SMOC1: variants seen among roughly 807,000 people sequenced by gnomAD.
SMOC1 encodes the protein SPARC related modular calcium binding 1.
Under a neutral mutation model 56.3 loss-of-function variants are expected in SMOC1, and 22 were observed. The ratio of observed to expected loss-of-function variants is 0.39; its 90% CI spans 0.28 to 0.56. SMOC1 has a LOEUF of 0.56. Among genes scored for constraint, SMOC1 ranks in the 20% least tolerant of loss-of-function variants. The pLI is 0.61. For synonymous variants in SMOC1, 193 were observed against 215.0 expected, an observed-to-expected ratio of 0.90 and a Z score of 0.89; for missense variants, 509 against 565.4, an observed-to-expected ratio of 0.90 and a Z score of 1.01.
At chr14:69,923,189 C>T (rs993352504) in intron 1 of SMOC1, among the ~76,000 whole-genome samples, 2 of 152,088 alleles carry the variant, frequency 1.3e-5, no homozygotes, top group African/African-American at 4.8e-5. Context: ...TCATGATCCA[C>T]CTGCCTTGGC....
At chr14:70,005,726 T>C (rs921338556) in intron 7 of SMOC1, among the ~76,000 whole-genome samples, 1 of 152,166 alleles carries the variant, frequency 6.6e-6, no homozygotes, top group African/African-American at 2.4e-5. Flanking sequence ...GACTCTCACT[T>C]CTTCTCTGCA....
At chr14:69,900,650 G>A (rs1171602237) in intron 1 of SMOC1, among the ~76,000 whole-genome samples, 2 of 152,212 alleles carry the variant, frequency 1.3e-5, no homozygotes, top group African/African-American at 4.8e-5. Flanking sequence ...AGGCAGCAGG[G>A]TGTTTACTCA....
intron 10 of SMOC1, among the ~76,000 whole-genome samples, chr14:70,013,947 A>T (rs956695177): frequency 2.0e-5 from 3 of 152,206 alleles, no homozygotes; most frequent in African/African-American, 7.2e-5. Flanking sequence ...GCTCTTGGCA[A>T]TGGAACTGGA....
At chr14:69,970,360 A>G (rs7161219) in intron 3 of SMOC1, among the ~76,000 whole-genome samples, 1 of 152,054 alleles carries the variant, frequency 6.6e-6, no homozygotes, top group African/African-American at 2.4e-5. Flanking sequence ...TCTGGGCCTC[A>G]GTTTCCTCAT....
At chr14:69,914,562 G>C (rs1161383884) in intron 1 of SMOC1, among the ~76,000 whole-genome samples, 5 of 149,446 alleles carry the variant, frequency 3.3e-5, no homozygotes, top group African/African-American at 1.2e-4. Context: ...AGAAGTGGGA[G>C]ACACCAGTAG....
intron 1 of SMOC1, among the ~76,000 whole-genome samples, chr14:69,938,762 G>A (rs149303246): frequency 2.9e-3 from 442 of 152,288 alleles, no homozygotes; most frequent in Admixed American, 6.9e-3. Context: ...CTGTGATATC[G>A]GAGGTCTTAT....
intron 10 of SMOC1, among the ~76,000 whole-genome samples, chr14:70,018,287 C>T (rs2139604799): frequency 6.6e-6 from 1 of 152,242 alleles, no homozygotes; most frequent in South Asian, 2.1e-4. Context: ...GGATGATTTG[C>T]TGAAGCTTTT....
chr14:69,976,406 G>A (rs1419046082), intron 4 of SMOC1, among the ~76,000 whole-genome samples: 6 of 152,214 alleles, frequency 3.9e-5, no homozygotes, highest in Non-Finnish European at 8.8e-5. Context: ...TCTGATCCAG[G>A]AGGCCTGGAG....
At chr14:70,011,709 C>G in intron 9 of SMOC1, 142 bp downstream of exon 9, 1 of 794,702 alleles carries the variant, frequency 1.3e-6, no homozygotes, top group Non-Finnish European at 2.2e-6. Context: ...ACATCCTGGT[C>G]TGGGATTTAT....
In SMOC1 at chr14:69,933,560, T is replaced by G. The variant is rs142421881; in HGVS notation, c.100-18578T>G. Among the ~76,000 whole-genome samples, 285 of 152,346 alleles carry G rather than the reference T, an allele frequency of 1.9e-3. 1 individual carries two copies. Among genetic ancestry groups the G allele is most frequent in the African/African-American group, 6.7e-3 (278 of 41,594 alleles). ...TTTTTGTTTTTTTTAGACAGATTCC[T>G]TCTCTGTTGCCCAGGCTGGGGTACA... On this transcript the variant is annotated intron_variant, in intron 1 of 11. Transcript: ENST00000361956.
In SMOC1 at chr14:69,994,409, C is replaced by T. The variant is rs1460885461; in HGVS notation, c.593C>T (p.Ala198Val). The T allele has an allele frequency of 1.2e-5, 19 of 1,613,676 alleles. No homozygotes were observed. Among genetic ancestry groups the T allele is most frequent in the Admixed American group, 3.3e-5 (2 of 60,004 alleles). ...TTTTCCTCACCCCTAGAAATCACAG[C>T]CCCAACTCTATGGATTAAACACTTG... ...QPVFDGDEIT[A>V]PTLWIKHLVI... The change falls in exon 7 of 12, where the codon GCC (alanine) becomes GTC (valine). Residue 198 changes from alanine (A) to valine (V), a missense_variant. Coordinates refer to ENST00000361956, the MANE Select transcript of SMOC1 (RefSeq NM_001034852.3).
In SMOC1 at chr14:69,895,810, T is replaced by A. The variant is rs531145171; in HGVS notation, c.99+16033T>A. Among the ~76,000 whole-genome samples the A allele has an allele frequency of 4.0e-5, 6 of 151,086 alleles. No homozygotes were observed. In the South Asian group the frequency reaches 1.3e-3, roughly 32 times the overall value. ...GAAAAGACTGGGCTCACAGCCTTGG[T>A]CCCAATATTGCTGATTCCCAGTTTG... On this transcript the variant is annotated intron_variant, in intron 1 of 11. Transcript: ENST00000361956.
chr14:70,024,660 A>G (rs570155371), intron 11 of SMOC1, among the ~76,000 whole-genome samples: 2 of 152,266 alleles, frequency 1.3e-5, no homozygotes, highest in East Asian at 1.9e-4. Flanking sequence ...AACAGTTTTC[A>G]ATGAGCTGAA....
intron 11 of SMOC1, among the ~76,000 whole-genome samples, chr14:70,024,410 T>C (rs1472567941): frequency 6.6e-6 from 1 of 152,180 alleles, no homozygotes; most frequent in Non-Finnish European, 1.5e-5. Flanking sequence ...GAACTAAGAA[T>C]GATTTTTGCA....
chr14:69,900,157 A>G (rs77201600), intron 1 of SMOC1, among the ~76,000 whole-genome samples: 20,797 of 152,160 alleles, frequency 0.14, 1,976 homozygotes, highest in African/African-American at 0.27. Flanking sequence ...TTGTCAATGC[A>G]GAGGGAGGCC....
At chr14:69,913,077 G>GA (rs1179381989) in intron 1 of SMOC1, among the ~76,000 whole-genome samples, 1 of 152,200 alleles carries the variant, frequency 6.6e-6, no homozygotes, top group African/African-American at 2.4e-5. Context: ...AAGAAGGGTA[G>GA]AAAAAACCCA....
intron 1 of SMOC1, among the ~76,000 whole-genome samples, chr14:69,888,163 C>T (rs568962223): frequency 5.7e-4 from 87 of 152,128 alleles, no homozygotes; most frequent in Non-Finnish European, 1.1e-3. Context: ...CTTGTGAGGC[C>T]GCCAAACAGG....
chr14:70,026,669 C>T (rs930802223), intron 11 of SMOC1, among the ~76,000 whole-genome samples: 2 of 152,148 alleles, frequency 1.3e-5, no homozygotes, highest in Admixed American at 1.3e-4. Context: ...CCCTCTTGAA[C>T]CTCTCACCTC....
chr14:70,009,649 G>A (rs1885264427), intron 7 of SMOC1, among the ~76,000 whole-genome samples: 1 of 152,084 alleles, frequency 6.6e-6, no homozygotes, highest in Admixed American at 6.5e-5. Context: ...AATATAGTAG[G>A]TAAATAAACA....
Sources: gnomAD v4.1 joint callset for allele counts (sites outside exome capture counted in the v4.1 genomes callset) on GRCh38, gnomAD v4.1.1 for gene constraint, MANE v1.5 for transcripts, NCBI Gene and HGNC (gene_info 2026-07-23, HGNC 2026-07-21) for gene names.